The following SP6 variants were observed in gnomAD, a reference collection of about 807,000 sequenced individuals.
SP6 encodes the protein Sp6 transcription factor.
A neutral mutation model predicts 23.4 loss-of-function variants in SP6; 10 were observed. The ratio of observed to expected loss-of-function variants is 0.43; its 90% CI spans 0.26 to 0.72. The LOEUF (loss-of-function observed/expected upper bound fraction) is 0.72. Ranked by LOEUF, SP6 falls within the 30% of genes least tolerant of loss-of-function variation. SP6 has a pLI of 0.23. For missense variants in SP6, 482 were observed against 523.8 expected (o/e 0.92, Z 0.78); for synonymous variants, 238 against 238.7 (o/e 1.00, Z 0.03).
chr17:47,857,493 T>A (rs1046466351), upstream of SP6, among the ~76,000 whole-genome samples: 1 of 152,138 alleles, frequency 6.6e-6, no homozygotes, highest in Non-Finnish European at 1.5e-5. Context: ...TGGGAGAATC[T>A]TGGGGTTGGG....
chr17:47,853,681 C>T (rs950946627), upstream of SP6, among the ~76,000 whole-genome samples: 2 of 152,180 alleles, frequency 1.3e-5, no homozygotes, highest in Non-Finnish European at 2.9e-5. Context: ...ACTCTAGGCC[C>T]CCTTTAGCCC....
chr17:47,868,589 C>T, the SP6 span, among the ~76,000 whole-genome samples: 2 of 152,216 alleles, frequency 1.3e-5, no homozygotes, highest in African/African-American at 4.8e-5. Flanking sequence ...CCCTCACCTA[C>T]TCCCTAGTAG....
At chr17:47,854,763 A>G (rs2033986224), upstream of SP6, among the ~76,000 whole-genome samples, 1 of 152,174 alleles carries the variant, frequency 6.6e-6, no homozygotes, top group Admixed American at 6.5e-5. Flanking sequence ...TTTTACTGGT[A>G]GGGAAACCAA....
chr17:47,857,438 T>G (rs1235257420), upstream of SP6, among the ~76,000 whole-genome samples: 2 of 152,238 alleles, frequency 1.3e-5, no homozygotes, highest in African/African-American at 4.8e-5. Context: ...TACAAATTCT[T>G]TCAATCGGTT....
At chr17:47,867,097 G>T in the SP6 span, among the ~76,000 whole-genome samples, 1 of 152,260 alleles carries the variant, frequency 6.6e-6, no homozygotes, top group South Asian at 2.1e-4. Context: ...ACGTACTTCG[G>T]CGGCTGATGA....
rs2033926370 is a variant in SP6, at chr17:47,848,946, C to T, written c.-57-460G>A. Among the ~76,000 whole-genome samples the T allele has an allele frequency of 6.6e-6, 1 of 152,150 alleles. No individual in the cohort carries two copies. The highest frequency in any genetic ancestry group is 1.5e-5 in the Non-Finnish European group (1 of 68,020). The stretch of plus-strand genomic sequence containing the variant: ...GAGAGGGGATGGTCTATTTCTGAAA[C>T]CCAAAGCTTCAGGTGACCTGCCCCT... On this transcript the variant is annotated intron_variant, in intron 1 of 1. Coordinates refer to ENST00000536300, the MANE Select transcript of SP6 (RefSeq NM_001258248.2). The surrounding 1 kb of genome is among the most constrained non-coding windows in gnomAD (Gnocchi z 5.3).
the SP6 span, among the ~76,000 whole-genome samples, chr17:47,862,363 T>C: frequency 1.8e-5 from 2 of 108,854 alleles, no homozygotes; most frequent in Non-Finnish European, 4.0e-5. Flanking sequence ...AAAAAAAAAA[T>C]TGGGTGTGGT....
chr17:47,860,719 A>AAAATAAATAAATAAAT (rs71141936), upstream of SP6, among the ~76,000 whole-genome samples: 1 of 148,822 alleles, frequency 6.7e-6, no homozygotes, highest in African/African-American at 2.5e-5. Flanking sequence ...AAAAAAAGTT[A>AAAATAAATAAATAAAT]AAATAAATAA....
Position 47,848,257 on chromosome 17 carries a change from C to A in SP6, c.173G>T (p.Gly58Val). The change falls in exon 2 of 2, where the codon GGC (glycine) becomes GTC (valine). Residue 58 changes from glycine to valine, a missense_variant. Coordinates refer to ENST00000536300, the MANE Select transcript of SP6 (RefSeq NM_001258248.2). The surrounding 1 kb of genome is among the most constrained non-coding windows in gnomAD (Gnocchi z 5.3). ...QPGELQSLPL[G>V]PEVDFSQGYE... ...GCCCTGCGAGAAGTCCACCTCCGGGCCCAGCGGGAGGCTCTGCAGCTCTCC... is the reference window on the plus strand; with the variant it reads ...GCCCTGCGAGAAGTCCACCTCCGGGACCAGCGGGAGGCTCTGCAGCTCTCC... 1 of 1,611,782 alleles carries A rather than the reference C, an allele frequency of 6.2e-7. No homozygotes were observed. Among genetic ancestry groups the A allele is most frequent in the Non-Finnish European group, 8.5e-7 (1 of 1,178,906 alleles).
At chr17:47,871,725 T>A in the SP6 span, among the ~76,000 whole-genome samples, 1 of 152,066 alleles carries the variant, frequency 6.6e-6, no homozygotes, top group African/African-American at 2.4e-5. Context: ...TTCAAGCGAT[T>A]CTCCTGCCTC....
the SP6 span, among the ~76,000 whole-genome samples, chr17:47,873,794 C>T: frequency 6.6e-6 from 1 of 151,694 alleles, no homozygotes; most frequent in African/African-American, 2.4e-5. Context: ...TTTCTTTTCT[C>T]TTTTCTTCTC....
chr17:47,846,745 A>G lies in SP6; in HGVS notation c.*554T>C, dbSNP rs566777240. 6.6e-6 allele frequency: 1 copy of G among 152,460 alleles called. No homozygotes were observed. The highest frequency in any genetic ancestry group is 2.1e-4 in the South Asian group (1 of 4,820). The allele number at this position is 152,460 out of a possible 1,614,324, so 9.4% of individuals were successfully genotyped here. On this transcript the variant is annotated 3_prime_UTR_variant, in exon 2 of 2. Coordinates refer to ENST00000536300, the MANE Select transcript of SP6 (RefSeq NM_001258248.2). ...ACAACCCTCCAAACCAGAAAGAGACACCCCTGCCAAGGGGGACCCCCAGGC... is the reference window on the plus strand; with the variant it reads ...ACAACCCTCCAAACCAGAAAGAGACGCCCCTGCCAAGGGGGACCCCCAGGC...
At chr17:47,850,497 G>A (rs2033942868) in intron 1 of SP6, among the ~76,000 whole-genome samples, 2 of 152,166 alleles carry the variant, frequency 1.3e-5, no homozygotes, top group Non-Finnish European at 2.9e-5. Flanking sequence ...GAGGAAAGAA[G>A]GGAACAGGAT....
Position 47,847,303 on chromosome 17 carries a change from T to C in SP6, c.1127A>G (p.Asn376Ser). 1.3e-6 allele frequency: 2 copies of C among 1,542,754 alleles called. No individual in the cohort carries two copies. Among genetic ancestry groups the C allele is most frequent in the South Asian group, 1.2e-5 (1 of 83,472 alleles). Residue 376 changes from asparagine (N) to serine (S), a missense_variant, in exon 2 of 2, where the codon AAC becomes AGC. This residue lies in a region of SP6 where 101 missense variants were observed against 99.3 expected (regional missense o/e 1.02). Transcript: ENST00000536300. ...AGGGAGGCGGCACTGAGGAGCTCAGTTGGAGGGAGCCACGCTGCCCTCGGC... is the reference window on the plus strand; with the variant it reads ...AGGGAGGCGGCACTGAGGAGCTCAGCTGGAGGGAGCCACGCTGCCCTCGGC... ...REAEGSVAPS[N>S]
upstream of SP6, among the ~76,000 whole-genome samples, chr17:47,852,349 G>A (rs2033966876): frequency 6.6e-6 from 1 of 152,022 alleles, no homozygotes; most frequent in Non-Finnish European, 1.5e-5. Context: ...CTCCACCCAC[G>A]CATTCTTCTG....
the SP6 span, among the ~76,000 whole-genome samples, chr17:47,872,365 G>C: frequency 1.3e-5 from 2 of 152,286 alleles, no homozygotes; most frequent in South Asian, 4.1e-4. Flanking sequence ...CAGGCGTGTT[G>C]GGGGAAGCCA....
the SP6 span, among the ~76,000 whole-genome samples, chr17:47,871,794 T>A: frequency 6.6e-6 from 1 of 152,166 alleles, no homozygotes; most frequent in Non-Finnish European, 1.5e-5. Context: ...AATTTTTTTG[T>A]ATTTTTAGTA....
At position 47,847,588 on chromosome 17, in the gene SP6, T is replaced by A; in HGVS notation, c.842A>T (p.Asp281Val). Reference protein sequence around the residue: ...LKAHLRWHSGDRPFVCNWLFC... With the variant: ...LKAHLRWHSGVRPFVCNWLFC... ...GAGCCAGTTGCACACGAAGGGACGGTCGCCGCTGTGCCAGCGCAGGTGCGC... is the reference window on the plus strand; with the variant it reads ...GAGCCAGTTGCACACGAAGGGACGGACGCCGCTGTGCCAGCGCAGGTGCGC... Residue 281 changes from aspartate (D) to valine (V), a missense_variant, in exon 2 of 2, where the codon GAC (aspartate) becomes GTC (valine). This residue lies in a region of SP6 where 51 missense variants were observed against 92.1 expected (regional missense o/e 0.55). Coordinates refer to ENST00000536300, the MANE Select transcript of SP6 (RefSeq NM_001258248.2). The A allele has an allele frequency of 2.5e-6, 4 of 1,613,646 alleles. No individual in the cohort carries two copies. Among genetic ancestry groups the A allele is most frequent in the Non-Finnish European group, 3.4e-6 (4 of 1,179,966 alleles).
At chr17:47,867,327 G>C in the SP6 span, among the ~76,000 whole-genome samples, 30 of 152,258 alleles carry the variant, frequency 2.0e-4, no homozygotes, top group African/African-American at 6.7e-4. Flanking sequence ...TAGAGAGAGA[G>C]TGGAGAAACC....
Sources: allele counts gnomAD v4.1 joint callset (sites outside exome capture counted in the v4.1 genomes callset), GRCh38; gene constraint gnomAD v4.1.1; regional missense constraint gnomAD v4.1.1; non-coding constraint Gnocchi (gnomAD v3.1); transcripts MANE v1.5; gene names NCBI Gene and HGNC (gene_info 2026-07-23, HGNC 2026-07-21).